The following CEMIP variants were observed in gnomAD, a reference collection of about 807,000 sequenced individuals.
CEMIP encodes the protein cell migration inducing hyaluronidase 1.
Under a neutral mutation model 156.9 loss-of-function variants are expected in CEMIP, and 105 were observed. That is an observed-to-expected ratio of 0.67 (90% confidence interval 0.57 to 0.79). CEMIP has a LOEUF of 0.79. Ranked by LOEUF, CEMIP falls within the 30% of genes least tolerant of loss-of-function variation. The probability of loss-of-function intolerance (pLI) is 0.00; values close to 1 mark genes in which losing one functional copy is unlikely to be tolerated. For missense variants in CEMIP, 1,457 were observed against 1,769.4 expected, an observed-to-expected ratio of 0.82 and a Z score of 3.17; for synonymous variants, 676 against 668.4, an observed-to-expected ratio of 1.01 and a Z score of -0.17.
intron 1 of CEMIP, among the ~76,000 whole-genome samples, chr15:80,872,060 A>G (rs969597505): frequency 6.6e-6 from 1 of 152,174 alleles, no homozygotes; most frequent in Non-Finnish European, 1.5e-5. Flanking sequence ...TACCAGGCAG[A>G]GGGCCCAGTG....
chr15:80,793,983 G>C (rs950652945), intron 1 of CEMIP, among the ~76,000 whole-genome samples: 1 of 152,216 alleles, frequency 6.6e-6, no homozygotes, highest in African/African-American at 2.4e-5. Context: ...CTTTTGTCAA[G>C]TTGTTTTTGT....
At chr15:80,819,530 G>A (rs1261756714) in intron 1 of CEMIP, among the ~76,000 whole-genome samples, 1 of 152,158 alleles carries the variant, frequency 6.6e-6, no homozygotes, top group Non-Finnish European at 1.5e-5. Context: ...GACCTGGAAT[G>A]GGAACATTGG....
At chr15:80,880,151 T>C (rs1387666356) in intron 5 of CEMIP, among the ~76,000 whole-genome samples, 1 of 152,212 alleles carries the variant, frequency 6.6e-6, no homozygotes, top group Non-Finnish European at 1.5e-5. Flanking sequence ...GTTTATATAA[T>C]AGGCTACGAT....
In CEMIP at chr15:80,933,322, G is replaced by C; in HGVS notation, c.2871G>C (p.Val957=). Residue 957 remains valine, a synonymous_variant, in exon 23 of 30, where the codon GTG becomes GTC. Coordinates refer to ENST00000394685, the MANE Select transcript of CEMIP (RefSeq NM_001293298.2). ...QLDMDGDKTS[V]FHDVDGSVSE... ...ACATGGATGGGGATAAGACATCTGT[G>C]TTCCATGACGTCGACGGCTCCGTGT... The C allele has an allele frequency of 1.2e-6, 2 of 1,614,194 alleles. No individual in the cohort carries two copies. Among genetic ancestry groups the C allele is most frequent in the African/African-American group, 2.7e-5 (2 of 75,042 alleles).
At chr15:80,895,731 G>A in intron 11 of CEMIP, 138 bp from the exon 12 acceptor site, 1 of 772,774 alleles carries the variant, frequency 1.3e-6, no homozygotes, top group Non-Finnish European at 2.2e-6. Flanking sequence ...GAGTGGGATG[G>A]AGCAAGCCAG....
At chr15:80,944,331 GGTCT>G (rs576604853) in intron 28 of CEMIP, among the ~76,000 whole-genome samples, 69 of 152,254 alleles carry the variant, frequency 4.5e-4, no homozygotes, top group African/African-American at 1.7e-3. Context: ...ACTCACAATA[GGTCT>G]GGTGGACACA....
intron 1 of CEMIP, among the ~76,000 whole-genome samples, chr15:80,843,954 G>A (rs544445029): frequency 2.0e-5 from 3 of 152,340 alleles, no homozygotes; most frequent in South Asian, 2.1e-4. Flanking sequence ...GTCATTGCCC[G>A]AGGCTTCCTG....
At chr15:80,898,941 G>A (rs570450739) in intron 12 of CEMIP, among the ~76,000 whole-genome samples, 20 of 152,300 alleles carry the variant, frequency 1.3e-4, no homozygotes, top group Non-Finnish European at 2.2e-4. Flanking sequence ...CAGGCCGGGC[G>A]CGGTGGCTCA....
In CEMIP at chr15:80,947,413, G is replaced by T. The variant is rs964935333; in HGVS notation, c.3958+348G>T. The T allele has an allele frequency of 1.6e-5, 5 of 313,112 alleles. No homozygotes were observed. The East Asian group carries it at 3.0e-4, about 19-fold the overall frequency. 19.4% of individuals were successfully genotyped at this position (313,112 alleles called of 1,614,324 possible). On this transcript the variant is annotated intron_variant, in intron 29 of 29. Coordinates refer to ENST00000394685, the MANE Select transcript of CEMIP (RefSeq NM_001293298.2). ...CCTCCTACCCAATTCCTGCTATTCAGACTGGCCAGGGGTCCTGCATCTTCT... is the reference window on the plus strand; with the variant it reads ...CCTCCTACCCAATTCCTGCTATTCATACTGGCCAGGGGTCCTGCATCTTCT...
intron 6 of CEMIP, among the ~76,000 whole-genome samples, chr15:80,881,732 G>A (rs1331155120): frequency 1.3e-5 from 2 of 152,206 alleles, no homozygotes; most frequent in South Asian, 2.1e-4. Flanking sequence ...GTCACTGAAA[G>A]TCTTTAAGAA....
chr15:80,820,150 C>G (rs1896876151), intron 1 of CEMIP, among the ~76,000 whole-genome samples: 1 of 152,214 alleles, frequency 6.6e-6, no homozygotes, highest in Admixed American at 6.5e-5. Context: ...GTCTCCCTCT[C>G]TCTCTGAGTT....
rs1901003751 is a variant in CEMIP at position 80,933,476 on chromosome 15, T to TG, written c.3009+21dup. 1 of 1,603,854 alleles carries TG rather than the reference T, an allele frequency of 6.2e-7. No homozygotes were observed. The highest frequency in any genetic ancestry group is 8.5e-7 in the Non-Finnish European group (1 of 1,171,066). On this transcript the variant is annotated intron_variant, in intron 23 of 29. Coordinates refer to ENST00000394685, the MANE Select transcript of CEMIP (RefSeq NM_001293298.2). ...CTATGCACAGGTGGGGACACCATTC[T>TG]GGGGGCCGGCCACTCACTTATTCAC...
At chr15:80,926,131 T>A (rs1412633248) in intron 19 of CEMIP, among the ~76,000 whole-genome samples, 2 of 152,230 alleles carry the variant, frequency 1.3e-5, no homozygotes, top group Non-Finnish European at 2.9e-5. Context: ...CTTACCATGT[T>A]TCTCAAACAT....
rs146602140 is a variant in CEMIP at position 80,889,181 on chromosome 15, C to T, written c.965-290C>T. Among the ~76,000 whole-genome samples, 192 of 152,360 alleles carry T rather than the reference C, an allele frequency of 1.3e-3. 1 individual carries two copies. Among genetic ancestry groups the T allele is most frequent in the African/African-American group, 4.2e-3 (176 of 41,582 alleles). ...AATCCTAGTTGCAGTCCTTGGATAA[C>T]GGGTTTACAGATGGATTTTCTTTCT... is the stretch of plus-strand genomic sequence containing the variant. On this transcript the variant is annotated intron_variant, in intron 9 of 29. Transcript: ENST00000394685.
intron 1 of CEMIP, among the ~76,000 whole-genome samples, chr15:80,801,402 G>A (rs887010472): frequency 2.0e-5 from 3 of 152,204 alleles, no homozygotes; most frequent in South Asian, 4.1e-4. Context: ...TGGACCATGC[G>A]TCTCTCATCA....
At chr15:80,928,959 C>G (rs899882333) in intron 20 of CEMIP, 22 bp downstream of exon 20, 4 of 1,614,230 alleles carry the variant, frequency 2.5e-6, no homozygotes, top group Non-Finnish European at 3.4e-6. Flanking sequence ...TGTCATTGTA[C>G]TTGGTCCTCT....
intron 1 of CEMIP, among the ~76,000 whole-genome samples, chr15:80,811,955 G>C (rs1389226264): frequency 3.3e-5 from 5 of 152,002 alleles, no homozygotes; most frequent in African/African-American, 9.7e-5. Context: ...ATTGTGCCTG[G>C]GAGCTCACAC....
intron 1 of CEMIP, among the ~76,000 whole-genome samples, chr15:80,866,267 C>T (rs948508221): frequency 1.6e-4 from 24 of 152,262 alleles, no homozygotes; most frequent in Admixed American, 5.2e-4. Flanking sequence ...GGAAATTTCC[C>T]GTATCAATGT....
chr15:80,846,214 C>T (rs554373370), intron 1 of CEMIP, among the ~76,000 whole-genome samples: 3 of 152,304 alleles, frequency 2.0e-5, no homozygotes, highest in Admixed American at 6.5e-5. Context: ...TGGAGGTGGA[C>T]GTTTCCCCCA....
Sources: allele counts gnomAD v4.1 joint callset (sites outside exome capture counted in the v4.1 genomes callset), GRCh38; gene constraint gnomAD v4.1.1; transcripts MANE v1.5; gene names NCBI Gene and HGNC (gene_info 2026-07-23, HGNC 2026-07-21).